KDM1B: variants seen among roughly 807,000 people sequenced by gnomAD.
KDM1B encodes lysine-specific histone demethylase 2.
KDM1B carries 63 observed loss-of-function variants against 107.4 expected under a neutral mutation model. That is an observed-to-expected ratio of 0.59 (90% CI 0.48 to 0.72). The LOEUF (loss-of-function observed/expected upper bound fraction) is 0.72, where lower values mean the gene tolerates loss of function less well. Ranked by LOEUF, KDM1B falls within the 30% of genes least tolerant of loss-of-function variation. The pLI, the probability that KDM1B is intolerant of heterozygous loss-of-function variation, is 0.00. For missense variants in KDM1B, 749 were observed against 1,020.8 expected (o/e 0.73, Z 3.63); for synonymous variants, 363 against 363.9 (o/e 1.00, Z 0.03).
At chr6:18,195,476 G>A (rs1447967263) in intron 10 of KDM1B, among the ~76,000 whole-genome samples, 1 of 152,188 alleles carries the variant, frequency 6.6e-6, no homozygotes, top group Non-Finnish European at 1.5e-5. Context: ...GCTCACGCCT[G>A]TAGTCCCAGC....
At chr6:18,215,306 G>A (rs1789137558) in intron 20 of KDM1B, among the ~76,000 whole-genome samples, 177 bp downstream of exon 20, 1 of 152,240 alleles carries the variant, frequency 6.6e-6, no homozygotes, top group African/African-American at 2.4e-5. Context: ...TGTGAGGGCT[G>A]TCATCACAGA....
In KDM1B at chr6:18,157,962, G is replaced by A. The variant is rs936273530; in HGVS notation, c.-13-1921G>A. Among the ~76,000 whole-genome samples the A allele has an allele frequency of 2.6e-5, 4 of 151,658 alleles. No homozygotes were observed. In the East Asian group the frequency reaches 5.8e-4, roughly 22 times the overall value. ...CGAATAGCTGGGACTACAGGTGCCC[G>A]CCACCACCCCCGGCTAATTTTTTTG... On this transcript the variant is annotated intron_variant, in intron 2 of 21. Coordinates refer to ENST00000650836, the MANE Select transcript of KDM1B (RefSeq NM_001364614.2).
At chr6:18,192,968 G>C (rs1787379991) in intron 10 of KDM1B, among the ~76,000 whole-genome samples, 1 of 151,908 alleles carries the variant, frequency 6.6e-6, no homozygotes. Flanking sequence ...CCAGTTGGGT[G>C]GATTACATGA....
intron 7 of KDM1B, among the ~76,000 whole-genome samples, chr6:18,174,213 T>C (rs1469799894): frequency 6.6e-6 from 1 of 152,196 alleles, no homozygotes; most frequent in Non-Finnish European, 1.5e-5. Flanking sequence ...ATAGTAAGTC[T>C]TAAAATCAGG....
chr6:18,158,323 C>CAAAAAAAAA (rs56971577), intron 2 of KDM1B, among the ~76,000 whole-genome samples: 1 of 99,474 alleles, frequency 1.0e-5, no homozygotes, highest in Non-Finnish European at 2.0e-5. Context: ...GACTCCTTCA[C>CAAAAAAAAA]AAAAAAAAAA....
At chr6:18,188,566 CA>C (rs931204319) in intron 9 of KDM1B, among the ~76,000 whole-genome samples, 3 of 152,008 alleles carry the variant, frequency 2.0e-5, no homozygotes, top group African/African-American at 7.3e-5. Flanking sequence ...CACCTACTCT[CA>C]AAAAAACTGC....
At chr6:18,174,356 T>G (rs1465292114) in intron 7 of KDM1B, among the ~76,000 whole-genome samples, 1 of 152,178 alleles carries the variant, frequency 6.6e-6, no homozygotes, top group Non-Finnish European at 1.5e-5. Flanking sequence ...TGGAATGCAT[T>G]GAATCTATGG....
chr6:18,201,757 A>G lies in KDM1B; in HGVS notation c.1531+100A>G, dbSNP rs1269269214. On this transcript the variant is annotated intron_variant, in intron 14 of 21. Coordinates refer to ENST00000650836, the MANE Select transcript of KDM1B (RefSeq NM_001364614.2). The surrounding 1 kb of genome is among the most constrained non-coding windows in gnomAD (Gnocchi z 4.3). ...TTCATTTGCGAGGTCGGATGTCGGC[A>G]ACAGGGTAGCCCTCCTGAGCATTTC... The G allele has an allele frequency of 1.0e-6, 1 of 996,142 alleles. No individual in the cohort carries two copies. The highest frequency in any genetic ancestry group is 1.5e-6 in the Non-Finnish European group (1 of 683,014). The allele number at this position is 996,142 out of a possible 1,614,324, so 61.7% of individuals were successfully genotyped here. A position where few individuals can be genotyped will look rare whatever the true frequency, so the allele number is the denominator to read the frequency against.
At chr6:18,219,305 T>C (rs1436047950) in intron 21 of KDM1B, among the ~76,000 whole-genome samples, 1 of 152,256 alleles carries the variant, frequency 6.6e-6, no homozygotes, top group Non-Finnish European at 1.5e-5. Flanking sequence ...TTCTGATTTC[T>C]GATCCTTTTA....
rs199782218 is a variant in KDM1B, at chr6:18,213,673, G to T, written c.2001G>T (p.Pro667=). 2.5e-6 allele frequency: 4 copies of T among 1,614,082 alleles called. No homozygotes were observed. In the African/African-American group the frequency reaches 4.0e-5, roughly 16 times the overall value. ...GIIEKIALQF[P]YRFWDSKVQG... ...CTTTGCAGATTGCCTTGCAATTTCC[G>T]TATAGATTTTGGGACAGTAAAGTAC... Residue 667 remains proline, a synonymous_variant, in exon 19 of 22, where the codon CCG becomes CCT. Transcript: ENST00000650836. This position sits in a 1 kb window ranked among gnomAD's most constrained non-coding sequence, Gnocchi z 5.9.
At position 18,162,988 on chromosome 6, in the gene KDM1B, G is replaced by A. The variant is rs1785066317; in HGVS notation, c.305+64G>A. 2.1e-6 allele frequency: 2 copies of A among 959,374 alleles called. No homozygotes were observed. The highest frequency in any genetic ancestry group is 3.4e-6 in the Non-Finnish European group (2 of 585,426). The allele number at this position is 959,374 out of a possible 1,614,324, so 59.4% of individuals were successfully genotyped here. A position where few individuals can be genotyped will look rare whatever the true frequency, so the allele number is the denominator to read the frequency against. On this transcript the variant is annotated intron_variant, in intron 5 of 21. Transcript: ENST00000650836. This position sits in a 1 kb window ranked among gnomAD's most constrained non-coding sequence, Gnocchi z 4.1. ...GGACCGTGGCAGGGGCAGTGCGTGTGGTCAGCTGATTAAAGCTTAGTCTCG... is the reference window on the plus strand; with the variant it reads ...GGACCGTGGCAGGGGCAGTGCGTGTAGTCAGCTGATTAAAGCTTAGTCTCG...
intron 7 of KDM1B, among the ~76,000 whole-genome samples, chr6:18,184,694 A>G (rs1217049943): frequency 1.5e-5 from 2 of 133,850 alleles, no homozygotes; most frequent in Non-Finnish European, 3.2e-5. Flanking sequence ...TTAAGTGTCC[A>G]TTGTACTGTT....
intron 10 of KDM1B, among the ~76,000 whole-genome samples, chr6:18,192,183 G>A (rs921917455): frequency 3.3e-5 from 5 of 152,162 alleles, no homozygotes; most frequent in Non-Finnish European, 7.4e-5. Flanking sequence ...GATGGCCTGA[G>A]CTTGGGAGGT....
At chr6:18,157,673 A>G (rs1784710725) in intron 2 of KDM1B, among the ~76,000 whole-genome samples, 1 of 140,334 alleles carries the variant, frequency 7.1e-6, no homozygotes, top group Non-Finnish European at 1.6e-5. Context: ...TATATAAATG[A>G]AGAGATTTGT....
rs577347819 is a variant in KDM1B at position 18,198,432 on chromosome 6, TTGG to T, written c.1221+772_1221+774del. Among the ~76,000 whole-genome samples, 110 of 151,790 alleles carry T rather than the reference TTGG, an allele frequency of 7.2e-4. No homozygotes were observed. In the South Asian group the frequency reaches 0.021, roughly 29 times the overall value. Reference sequence around the variant, plus strand: ...TTGGTAGAGACGGGATTTCACCATGTTGGCAAGGCAGGTCTCAAACTCCTCAGT... The same window carrying T: ...TTGGTAGAGACGGGATTTCACCATGTCAAGGCAGGTCTCAAACTCCTCAGT... On this transcript the variant is annotated intron_variant, in intron 12 of 21. Transcript: ENST00000650836.
chr6:18,172,270 C>T lies in KDM1B; in HGVS notation c.534+791C>T, dbSNP rs984813791. 3.9e-5 allele frequency among the ~76,000 whole-genome samples: 6 copies of T among 152,194 alleles called. No homozygotes were observed. The highest frequency in any genetic ancestry group is 1.2e-4 in the African/African-American group (5 of 41,516). ...GCTTTAGTGCGTTAAGGGTGTTAGT[C>T]TACACAAATGCCACTGGTACCTGCA... On this transcript the variant is annotated intron_variant, in intron 7 of 21. Transcript: ENST00000650836. The surrounding 1 kb of genome is among the most constrained non-coding windows in gnomAD (Gnocchi z 5.2).
intron 21 of KDM1B, among the ~76,000 whole-genome samples, chr6:18,219,253 C>A (rs1451761477): frequency 1.3e-5 from 2 of 152,102 alleles, no homozygotes; most frequent in Non-Finnish European, 2.9e-5. Context: ...TTCTAAGATC[C>A]GTCTCTTTCT....
intron 10 of KDM1B, among the ~76,000 whole-genome samples, chr6:18,192,978 A>C (rs1787380849): frequency 6.6e-6 from 1 of 151,938 alleles, no homozygotes; most frequent in African/African-American, 2.4e-5. Flanking sequence ...GGATTACATG[A>C]GGTCAGGAGT....
At chr6:18,160,376 T>C (rs1254796981) in intron 3 of KDM1B, among the ~76,000 whole-genome samples, 1 of 152,170 alleles carries the variant, frequency 6.6e-6, no homozygotes, top group African/African-American at 2.4e-5. Flanking sequence ...GGTAGGGCTT[T>C]TATTCTTTTA....
Sources: gnomAD v4.1 joint callset for allele counts (sites outside exome capture counted in the v4.1 genomes callset) on GRCh38, gnomAD v4.1.1 for gene constraint, Gnocchi (gnomAD v3.1) non-coding constraint, MANE v1.5 for transcripts, NCBI Gene and HGNC (gene_info 2026-07-23, HGNC 2026-07-21) for gene names.